GNB1: variants seen among roughly 807,000 people sequenced by gnomAD.
GNB1 encodes the protein G protein subunit beta 1.
A neutral mutation model predicts 42.9 loss-of-function variants in GNB1; 2 were observed. That is an observed-to-expected ratio of 0.05 (90% CI 0.02 to 0.15). The LOEUF (loss-of-function observed/expected upper bound fraction) is 0.15. Ranked by LOEUF, GNB1 falls within the 10% of genes least tolerant of loss-of-function variation. The pLI, the probability that GNB1 is intolerant of heterozygous loss-of-function variation, is 1.00. For missense variants in GNB1, 193 were observed against 462.2 expected (o/e 0.42, Z 5.34); for synonymous variants, 183 against 174.7 (o/e 1.05, Z -0.38).
chr1:1,786,698 A>T lies in GNB1; in HGVS notation c.*365T>A, dbSNP rs1290291389. ...CCACAAAACAGGGTCACTGGTCTAA[A>T]ATTCAAATACACTGGTGGAAAAGTG... On this transcript the variant is annotated 3_prime_UTR_variant, in exon 12 of 12. Coordinates refer to ENST00000378609, the MANE Select transcript of GNB1 (RefSeq NM_002074.5). The T allele has an allele frequency of 6.6e-6, 1 of 152,236 alleles. No homozygotes were observed. The highest frequency in any genetic ancestry group is 1.5e-5 in the Non-Finnish European group (1 of 68,058). The allele number at this position is 152,236 out of a possible 1,614,324, so 9.4% of individuals were successfully genotyped here.
chr1:1,828,139 G>A (rs909823161), intron 2 of GNB1, among the ~76,000 whole-genome samples: 6 of 152,206 alleles, frequency 3.9e-5, no homozygotes, highest in African/African-American at 1.4e-4. Flanking sequence ...TGGTTAACAT[G>A]GAGAAACCCC....
chr1:1,845,824 T>TACACACACACAC lies in GNB1; in HGVS notation c.-95-6598_-95-6587dup, dbSNP rs55953457. On this transcript the variant is annotated intron_variant, in intron 1 of 11. Coordinates refer to ENST00000378609, the MANE Select transcript of GNB1 (RefSeq NM_002074.5). ...GTAGAATCATTTGTGTGTAAGTCCA[T>TACACACACACAC]ACACACACACACACACACACACACA... 6.6e-4 allele frequency among the ~76,000 whole-genome samples: 93 copies of TACACACACACAC among 140,358 alleles called. 1 individual carries two copies. The highest frequency in any genetic ancestry group is 1.9e-3 in the East Asian group (9 of 4,710). The allele number at this position is 140,358 out of a possible 152,430, so 92.1% of individuals were successfully genotyped here. A position where few individuals can be genotyped will look rare whatever the true frequency, so the allele number is the denominator to read the frequency against.
rs1646463994 is a variant in GNB1, at chr1:1,790,260, T to C, written c.699+135A>G. The C allele has an allele frequency of 6.2e-6, 4 of 644,990 alleles. No homozygotes were observed. In the South Asian group the frequency reaches 7.5e-5, roughly 12 times the overall value. The allele number at this position is 644,990 out of a possible 1,614,324, so 40.0% of individuals were successfully genotyped here. A position where few individuals can be genotyped will look rare whatever the true frequency, so the allele number is the denominator to read the frequency against. ...GAAGTTTCCCATCGGGAGTTTTCTG[T>C]ATCCCCATCTGTACATGAGGTTGTA... On this transcript the variant is annotated intron_variant, in intron 9 of 11. Transcript: ENST00000378609. This position sits in a 1 kb window ranked among gnomAD's most constrained non-coding sequence, Gnocchi z 5.4.
chr1:1,867,758 T>C (rs1649024343), intron 1 of GNB1, among the ~76,000 whole-genome samples: 1 of 152,228 alleles, frequency 6.6e-6, no homozygotes, highest in Non-Finnish European at 1.5e-5. Flanking sequence ...TTCCGAATGC[T>C]TAAGCAGATA....
chr1:1,866,635 T>A (rs1187313756), intron 1 of GNB1, among the ~76,000 whole-genome samples: 1 of 146,454 alleles, frequency 6.8e-6, no homozygotes, highest in South Asian at 2.1e-4. Context: ...CTGATGAGCT[T>A]AAAAAAAAAA....
chr1:1,884,628 ATGAT>A (rs1650044806), intron 1 of GNB1, among the ~76,000 whole-genome samples: 1 of 152,146 alleles, frequency 6.6e-6, no homozygotes, highest in Non-Finnish European at 1.5e-5. Flanking sequence ...GCATGGAGAC[ATGAT>A]TACCCACCAG....
intron 3 of GNB1, among the ~76,000 whole-genome samples, chr1:1,823,380 TTTTC>T (rs1312955824): frequency 6.6e-6 from 1 of 152,124 alleles, no homozygotes; most frequent in Non-Finnish European, 1.5e-5. Flanking sequence ...AACACTTTGC[TTTTC>T]TTTTTTACTT....
chr1:1,819,190 TG>T (rs1202437659), intron 3 of GNB1, among the ~76,000 whole-genome samples: 1 of 152,092 alleles, frequency 6.6e-6, no homozygotes, highest in Non-Finnish European at 1.5e-5. Context: ...GTTTAAAGTT[TG>T]AGTGTTGGTA....
intron 7 of GNB1, chr1:1,793,982 A>C (rs1457598762): frequency 1.3e-5 from 2 of 152,574 alleles, no homozygotes; most frequent in Non-Finnish European, 2.9e-5. Context: ...GCATGGCAGC[A>C]ACACTGCAGA....
intron 6 of GNB1, 101 bp downstream of exon 6, chr1:1,806,374 C>CT: frequency 1.4e-6 from 1 of 702,922 alleles, no homozygotes; most frequent in Non-Finnish European, 2.5e-6. Flanking sequence ...CCGCTGCTGC[C>CT]TTCCCTATCC....
intron 7 of GNB1, among the ~76,000 whole-genome samples, chr1:1,803,192 T>A (rs1057045705): frequency 2.6e-5 from 4 of 152,230 alleles, no homozygotes; most frequent in Non-Finnish European, 5.9e-5. Context: ...ATTAGAATAG[T>A]ACATCCTCTT....
At chr1:1,825,860 G>A (rs1217682532) in intron 2 of GNB1, among the ~76,000 whole-genome samples, 4 of 146,880 alleles carry the variant, frequency 2.7e-5, no homozygotes, top group Admixed American at 6.8e-5. Context: ...GCAATACTCC[G>A]TCTCAAAAAA....
At chr1:1,827,926 T>C (rs1463802736) in intron 2 of GNB1, among the ~76,000 whole-genome samples, 1 of 152,110 alleles carries the variant, frequency 6.6e-6, no homozygotes, top group Non-Finnish European at 1.5e-5. Context: ...TTCTGATCAT[T>C]TAAACACTAA....
At chr1:1,877,071 T>C (rs1188431621) in intron 1 of GNB1, among the ~76,000 whole-genome samples, 2 of 151,848 alleles carry the variant, frequency 1.3e-5, no homozygotes, top group Non-Finnish European at 2.9e-5. Context: ...GAGGCCAAGG[T>C]GGGCGGATCA....
At position 1,867,838 on chromosome 1, in the gene GNB1, T is replaced by A. The variant is rs573212945; in HGVS notation, c.-96+22982A>T. 2.2e-4 allele frequency among the ~76,000 whole-genome samples: 33 copies of A among 152,306 alleles called. No homozygotes were observed. In the South Asian group the frequency reaches 6.8e-3, roughly 32 times the overall value. On this transcript the variant is annotated intron_variant, in intron 1 of 11. Coordinates refer to ENST00000378609, the MANE Select transcript of GNB1 (RefSeq NM_002074.5). ...TACCTACAGCTGGATTGCCAGTTGATCCAATACCTTTTACATGACAAACCA... is the reference window on the plus strand; with the variant it reads ...TACCTACAGCTGGATTGCCAGTTGAACCAATACCTTTTACATGACAAACCA...
intron 1 of GNB1, among the ~76,000 whole-genome samples, chr1:1,854,498 G>A (rs1474537498): frequency 2.0e-5 from 3 of 152,186 alleles, no homozygotes; most frequent in African/African-American, 7.2e-5. Flanking sequence ...ATAAAAAAAA[G>A]GTAGAGGAAG....
intron 2 of GNB1, among the ~76,000 whole-genome samples, chr1:1,829,276 G>A (rs1284508541): frequency 6.6e-6 from 1 of 152,074 alleles, no homozygotes; most frequent in Non-Finnish European, 1.5e-5. Flanking sequence ...AGGCTGTAAG[G>A]AACTCCTGAC....
chr1:1,828,551 A>ATTTCAGAAG (rs1442800210), intron 2 of GNB1, among the ~76,000 whole-genome samples: 2 of 152,204 alleles, frequency 1.3e-5, no homozygotes, highest in African/African-American at 4.8e-5. Context: ...TGAGCTCAAT[A>ATTTCAGAAG]TAACTTAGTG....
chr1:1,817,062 C>T (rs1407584570), intron 4 of GNB1, among the ~76,000 whole-genome samples: 1 of 152,100 alleles, frequency 6.6e-6, no homozygotes, highest in Non-Finnish European at 1.5e-5. Flanking sequence ...CAAAAGGAGA[C>T]CAGACATTGA....
Sources: allele counts gnomAD v4.1 joint callset (sites outside exome capture counted in the v4.1 genomes callset), GRCh38; gene constraint gnomAD v4.1.1; non-coding constraint Gnocchi (gnomAD v3.1); transcripts MANE v1.5; gene names NCBI Gene and HGNC (gene_info 2026-07-23, HGNC 2026-07-21).